The following GNAI1 variants were observed in gnomAD, a reference collection of about 807,000 sequenced individuals.
GNAI1 encodes guanine nucleotide-binding protein G(i) subunit alpha-1.
GNAI1 carries 11 observed loss-of-function variants against 38.9 expected under a neutral mutation model. That is an observed-to-expected ratio of 0.28 (90% CI 0.18 to 0.47). GNAI1 has a LOEUF of 0.47. GNAI1 is among the 20% of genes least tolerant of loss of function. The pLI is 0.99. For missense variants in GNAI1, 317 were observed against 436.9 expected (o/e 0.73, Z 2.45); for synonymous variants, 166 against 145.1 (o/e 1.14, Z -1.04).
intron 1 of GNAI1, among the ~76,000 whole-genome samples, chr7:80,182,991 G>C (rs1788320840): frequency 6.6e-6 from 1 of 152,164 alleles, no homozygotes; most frequent in Non-Finnish European, 1.5e-5. Flanking sequence ...TGCCCATGAA[G>C]TCAAGTTCCT....
intron 1 of GNAI1, among the ~76,000 whole-genome samples, chr7:80,186,418 C>G (rs1332455367): frequency 6.6e-6 from 1 of 151,998 alleles, no homozygotes; most frequent in Non-Finnish European, 1.5e-5. Flanking sequence ...GCTAAGCGTC[C>G]CATGTTCCCA....
intron 1 of GNAI1, among the ~76,000 whole-genome samples, chr7:80,168,482 G>A (rs988540276): frequency 6.6e-6 from 1 of 152,068 alleles, no homozygotes; most frequent in Non-Finnish European, 1.5e-5. Flanking sequence ...CCGCCTCCTG[G>A]GTTCACACCA....
At chr7:80,137,857 A>G (rs1787453501) in intron 1 of GNAI1, among the ~76,000 whole-genome samples, 1 of 152,164 alleles carries the variant, frequency 6.6e-6, no homozygotes, top group African/African-American at 2.4e-5. Flanking sequence ...CTAGTCCTGT[A>G]AACAGAATTC....
In GNAI1 at chr7:80,220,071, A is replaced by G. The variant is rs1789044502; in HGVS notation, c.*2578A>G. ...TATCCTAATGTAGAACTGTGGCCCTATCACCTTCTATTCCTTGATCTGCAT... is the reference window on the plus strand; with the variant it reads ...TATCCTAATGTAGAACTGTGGCCCTGTCACCTTCTATTCCTTGATCTGCAT... On this transcript the variant is annotated 3_prime_UTR_variant, in exon 8 of 8. Transcript: ENST00000649796. 6.6e-6 allele frequency among the ~76,000 whole-genome samples: 1 copy of G among 152,150 alleles called. No homozygotes were observed. Among genetic ancestry groups the G allele is most frequent in the Non-Finnish European group, 1.5e-5 (1 of 68,024 alleles).
Position 80,220,223 on chromosome 7 carries a change from C to G in GNAI1, c.*2730C>G, listed in dbSNP as rs1789047418. Among the ~76,000 whole-genome samples, 1 of 139,022 alleles carries G rather than the reference C, an allele frequency of 7.2e-6. No homozygotes were observed. Among genetic ancestry groups the G allele is most frequent in the Non-Finnish European group, 1.5e-5 (1 of 65,534 alleles). 91.2% of individuals were successfully genotyped at this position (139,022 alleles called of 152,430 possible). ...CCTGTGCATAACCTGGGCTTTCCTC[C>G]AAGTACTGTATTACTTACTACATGT... is the stretch of plus-strand genomic sequence containing the variant. On this transcript the variant is annotated 3_prime_UTR_variant, in exon 8 of 8. Transcript: ENST00000649796.
At chr7:80,187,970 A>G (rs1012899227) in intron 1 of GNAI1, among the ~76,000 whole-genome samples, 1 of 152,342 alleles carries the variant, frequency 6.6e-6, no homozygotes, top group Middle Eastern at 3.4e-3. Flanking sequence ...GTAGCATAGC[A>G]CTAGGAACTC....
rs372207937 is a variant in GNAI1 at position 80,149,297 on chromosome 7, A to G, written c.118+14019A>G. ...ATTGATGTCGCCTACATTTACAGTCATGTACTATGCTGGAACTGTCAAATT... is the reference window on the plus strand; with the variant it reads ...ATTGATGTCGCCTACATTTACAGTCGTGTACTATGCTGGAACTGTCAAATT... On this transcript the variant is annotated intron_variant, in intron 1 of 7. Transcript: ENST00000649796. 2.8e-4 allele frequency among the ~76,000 whole-genome samples: 43 copies of G among 152,196 alleles called. 2 individuals carry two copies. The South Asian group carries it at 8.3e-3, about 29-fold the overall frequency.
intron 3 of GNAI1, among the ~76,000 whole-genome samples, chr7:80,193,513 G>A (rs777592289): frequency 4.6e-5 from 7 of 152,156 alleles, no homozygotes; most frequent in Non-Finnish European, 7.3e-5. Context: ...TAGTCCATCT[G>A]CGAGTGATAA....
intron 1 of GNAI1, among the ~76,000 whole-genome samples, chr7:80,149,142 G>A (rs1428941705): frequency 1.3e-5 from 2 of 151,990 alleles, no homozygotes; most frequent in Admixed American, 6.6e-5. Flanking sequence ...ATGTTGTATT[G>A]CAAATGTAAC....
intron 1 of GNAI1, among the ~76,000 whole-genome samples, chr7:80,146,478 T>C (rs1787625777): frequency 6.6e-6 from 1 of 152,228 alleles, no homozygotes; most frequent in East Asian, 1.9e-4. Flanking sequence ...TTGTGTTTTT[T>C]TCCCACAATT....
Position 80,222,332 on chromosome 7 carries a change from G to A in GNAI1, c.*4839G>A, listed in dbSNP as rs1389031603. ...TGCCCGTCTTCCTAGGTCTCCATCC[G>A]TAAAGTGGATGGAAACACTGTCATT... On this transcript the variant is annotated 3_prime_UTR_variant, in exon 8 of 8. Coordinates refer to ENST00000649796, the MANE Select transcript of GNAI1 (RefSeq NM_002069.6). 2.7e-5 allele frequency among the ~76,000 whole-genome samples: 4 copies of A among 150,910 alleles called. No individual in the cohort carries two copies. Among genetic ancestry groups the A allele is most frequent in the Non-Finnish European group, 5.9e-5 (4 of 67,874 alleles).
At chr7:80,211,419 CTTTT>C (rs71076502) in intron 6 of GNAI1, among the ~76,000 whole-genome samples, 2 of 138,802 alleles carry the variant, frequency 1.4e-5, no homozygotes, top group Non-Finnish European at 1.6e-5. Context: ...TTTAGTAAAT[CTTTT>C]TTTTTTTTTT....
intron 1 of GNAI1, among the ~76,000 whole-genome samples, chr7:80,167,543 C>A (rs146814920): frequency 7.9e-5 from 12 of 152,264 alleles, no homozygotes; most frequent in Non-Finnish European, 1.0e-4. Flanking sequence ...AACCTATTTT[C>A]ATATATTTAC....
chr7:80,205,072 T>C (rs956817366), intron 5 of GNAI1, among the ~76,000 whole-genome samples: 4 of 152,162 alleles, frequency 2.6e-5, no homozygotes, highest in African/African-American at 9.7e-5. Context: ...CAAGTGCCAG[T>C]TGAGTGTTCA....
Position 80,159,581 on chromosome 7 carries a change from G to GC in GNAI1, c.118+24304dup, listed in dbSNP as rs1787882393. On this transcript the variant is annotated intron_variant, in intron 1 of 7. Transcript: ENST00000649796. ...GTACATGATTGAATCAGGGTAATTA[G>GC]CATATCCATGACTTTAAACATTTAT... Among the ~76,000 whole-genome samples, 5 of 152,254 alleles carry GC rather than the reference G, an allele frequency of 3.3e-5. No homozygotes were observed. The South Asian group carries it at 1.0e-3, about 32-fold the overall frequency.
At chr7:80,200,168 A>G (rs1788654256) in intron 4 of GNAI1, among the ~76,000 whole-genome samples, 1 of 151,558 alleles carries the variant, frequency 6.6e-6, no homozygotes, top group Non-Finnish European at 1.5e-5. Context: ...TACAAAAAAT[A>G]CAAAAATTAG....
At chr7:80,203,905 A>G (rs1031406052) in intron 5 of GNAI1, 73 bp downstream of exon 5, 19 of 889,748 alleles carry the variant, frequency 2.1e-5, no homozygotes, top group Non-Finnish European at 2.8e-5. Flanking sequence ...AAAGTGTAAT[A>G]AAAGTTTACA....
intron 3 of GNAI1, among the ~76,000 whole-genome samples, chr7:80,194,084 G>A (rs1282162577): frequency 6.6e-6 from 1 of 152,122 alleles, no homozygotes. Context: ...TTTTAGAAAG[G>A]TTCTATCAGT....
intron 1 of GNAI1, among the ~76,000 whole-genome samples, chr7:80,139,595 G>A (rs1787486381): frequency 3.3e-5 from 5 of 152,114 alleles, no homozygotes; most frequent in Admixed American, 2.6e-4. Flanking sequence ...TTTATTATGT[G>A]TAAAATGGCT....
Sources: allele counts gnomAD v4.1 joint callset (sites outside exome capture counted in the v4.1 genomes callset), GRCh38; gene constraint gnomAD v4.1.1; transcripts MANE v1.5; gene names NCBI Gene and HGNC (gene_info 2026-07-23, HGNC 2026-07-21).